Variants in PTPRD observed in about 807,000 individuals in gnomAD.
PTPRD encodes the protein receptor-type tyrosine-protein phosphatase delta.
In PTPRD, 34 loss-of-function variants were observed where a neutral mutation model predicts 214.5. That is an observed-to-expected ratio of 0.16 (90% CI 0.12 to 0.21). The LOEUF is 0.21. PTPRD is among the 10% of genes least tolerant of loss of function. PTPRD has a pLI of 1.00. For missense variants in PTPRD, 2,545 were observed against 2,398.7 expected, an observed-to-expected ratio of 1.06 and a Z score of -1.27; for synonymous variants, 1,128 against 845.7, an observed-to-expected ratio of 1.33 and a Z score of -5.79.
At chr9:10,452,041 C>A (rs1454336496) in intron 2 of PTPRD, among the ~76,000 whole-genome samples, 1 of 151,916 alleles carries the variant, frequency 6.6e-6, no homozygotes, top group Admixed American at 6.6e-5. Context: ...TTATTTATAT[C>A]CTTAATAATT....
Position 8,341,071 on chromosome 9 carries a change from G to A in PTPRD, c.5126+19C>T. The A allele has an allele frequency of 6.4e-7, 1 of 1,564,394 alleles. No homozygotes were observed. The highest frequency in any genetic ancestry group is 8.7e-7 in the Non-Finnish European group (1 of 1,155,876). ...TAAATATCAAGGCTTTGGATAGTCA[G>A]GGGAGCAAAAGTAGATACCTGTATC... is the stretch of plus-strand genomic sequence containing the variant. On this transcript the variant is annotated intron_variant, in intron 41 of 45. Transcript: ENST00000381196.
Position 9,417,258 on chromosome 9 carries a change from A to C in PTPRD, c.-236-19776T>G, listed in dbSNP as rs187897274. ...ATGGAATGTTAATCTGCTTGGTAAA[A>C]TTAGAGTTTTAATCTTAAAGTCTGA... is the stretch of plus-strand genomic sequence containing the variant. On this transcript the variant is annotated intron_variant, in intron 8 of 45. Transcript: ENST00000381196. Among the ~76,000 whole-genome samples, 133 of 152,280 alleles carry C rather than the reference A, an allele frequency of 8.7e-4. 1 individual carries two copies. Among genetic ancestry groups the C allele is most frequent in the African/African-American group, 2.7e-3 (114 of 41,584 alleles).
At chr9:9,234,990 T>C (rs2134021985) in intron 9 of PTPRD, among the ~76,000 whole-genome samples, 1 of 152,292 alleles carries the variant, frequency 6.6e-6, no homozygotes, top group East Asian at 1.9e-4. Context: ...CAATTTATTG[T>C]ATTAGTTCAT....
intron 44 of PTPRD, among the ~76,000 whole-genome samples, chr9:8,328,911 C>G (rs1220987416): frequency 6.6e-6 from 1 of 151,508 alleles, no homozygotes; most frequent in Non-Finnish European, 1.5e-5. Context: ...ACTGCTTATT[C>G]TAGTTAGCAA....
At chr9:8,420,361 G>A (rs1235189737) in intron 35 of PTPRD, among the ~76,000 whole-genome samples, 22 of 152,058 alleles carry the variant, frequency 1.4e-4, no homozygotes, top group Admixed American at 1.3e-3. Context: ...CTTGAAAATT[G>A]TTTCTTAGGT....
intron 9 of PTPRD, among the ~76,000 whole-genome samples, chr9:9,217,819 T>A (rs1214486285): frequency 6.6e-6 from 1 of 152,132 alleles, no homozygotes; most frequent in African/African-American, 2.4e-5. Flanking sequence ...TCCAGTATTA[T>A]CTTGTCCATA....
At position 10,132,855 on chromosome 9, in the gene PTPRD, G is replaced by T. The variant is rs140796665; in HGVS notation, c.-544-99065C>A. On this transcript the variant is annotated intron_variant, in intron 3 of 45. Coordinates refer to ENST00000381196, the MANE Select transcript of PTPRD (RefSeq NM_002839.4). ...CCAACATCTAAGATGACACCAAGGA[G>T]CCCTTCCTTCTGGTGTTTATGCCCT... Among the ~76,000 whole-genome samples, 613 of 152,246 alleles carry T rather than the reference G, an allele frequency of 4.0e-3. 6 individuals are homozygous for T. The highest frequency in any genetic ancestry group is 0.014 in the African/African-American group (587 of 41,536).
intron 5 of PTPRD, among the ~76,000 whole-genome samples, chr9:9,767,963 A>G (rs1342009089): frequency 6.6e-6 from 1 of 152,128 alleles, no homozygotes; most frequent in African/African-American, 2.4e-5. Context: ...TGTGTTCTAG[A>G]ATGCTCCGTA....
chr9:8,950,151 A>G (rs901367493), intron 11 of PTPRD, among the ~76,000 whole-genome samples: 3 of 152,146 alleles, frequency 2.0e-5, no homozygotes, highest in African/African-American at 7.2e-5. Flanking sequence ...GCAAATCTAA[A>G]TTTGTTAGTT....
chr9:10,373,363 C>G (rs1039692218), intron 2 of PTPRD, among the ~76,000 whole-genome samples: 1 of 151,982 alleles, frequency 6.6e-6, no homozygotes, highest in African/African-American at 2.4e-5. Context: ...TCCTTGTTCT[C>G]TATACTTGGA....
At chr9:8,560,172 G>T (rs1398851169) in intron 14 of PTPRD, among the ~76,000 whole-genome samples, 2 of 151,978 alleles carry the variant, frequency 1.3e-5, no homozygotes, top group South Asian at 2.1e-4. Flanking sequence ...CTTTTTGTGG[G>T]TTTATTATAA....
intron 10 of PTPRD, among the ~76,000 whole-genome samples, chr9:9,095,141 G>A (rs1004241835): frequency 1.3e-5 from 2 of 151,954 alleles, no homozygotes; most frequent in South Asian, 4.1e-4. Context: ...AAACCCTATA[G>A]CTAATTTCAC....
At chr9:9,325,124 G>C (rs182886328) in intron 9 of PTPRD, among the ~76,000 whole-genome samples, 11 of 152,204 alleles carry the variant, frequency 7.2e-5, no homozygotes, top group Middle Eastern at 3.4e-3. Flanking sequence ...GTCAGGTAGC[G>C]TGATGCCTCC....
chr9:9,377,581 C>T (rs889502629), intron 9 of PTPRD, among the ~76,000 whole-genome samples: 5 of 152,098 alleles, frequency 3.3e-5, no homozygotes, highest in African/African-American at 7.2e-5. Context: ...TTGTTTAAGG[C>T]CACATGGCCA....
At chr9:9,678,431 T>G (rs1464707908) in intron 7 of PTPRD, among the ~76,000 whole-genome samples, 3 of 152,076 alleles carry the variant, frequency 2.0e-5, no homozygotes, top group Non-Finnish European at 4.4e-5. Context: ...TACAACCATC[T>G]GATCTTTGAC....
At chr9:10,446,432 T>G (rs2098800130) in intron 2 of PTPRD, among the ~76,000 whole-genome samples, 1 of 146,468 alleles carries the variant, frequency 6.8e-6, no homozygotes, top group Admixed American at 6.8e-5. Context: ...TTTTTTTTTT[T>G]TTTTTTTTGC....
At chr9:9,252,530 T>C (rs1213792070) in intron 9 of PTPRD, among the ~76,000 whole-genome samples, 1 of 152,046 alleles carries the variant, frequency 6.6e-6, no homozygotes, top group Non-Finnish European at 1.5e-5. Context: ...GATCCCAGGC[T>C]GGACCTCAGT....
chr9:8,455,348 A>G (rs1481372640), intron 33 of PTPRD, among the ~76,000 whole-genome samples: 1 of 152,208 alleles, frequency 6.6e-6, no homozygotes, highest in Admixed American at 6.5e-5. Flanking sequence ...CTGTCTGTGA[A>G]CACAACTAGT....
At chr9:9,830,264 T>C (rs1420767124) in intron 5 of PTPRD, among the ~76,000 whole-genome samples, 1 of 151,840 alleles carries the variant, frequency 6.6e-6, no homozygotes. Flanking sequence ...ATTTGAAATA[T>C]ATTTTTCACT....
Sources: gnomAD v4.1 joint callset for allele counts (sites outside exome capture counted in the v4.1 genomes callset) on GRCh38, gnomAD v4.1.1 for gene constraint, MANE v1.5 for transcripts, NCBI Gene and HGNC (gene_info 2026-07-23, HGNC 2026-07-21) for gene names.